SPECC1: variants seen among roughly 807,000 people sequenced by gnomAD.
SPECC1 encodes the protein sperm antigen with calponin homology and coiled-coil domains 1.
Under a neutral mutation model 104.1 loss-of-function variants are expected in SPECC1, and 62 were observed. That is an observed-to-expected ratio of 0.60 (90% CI 0.49 to 0.74). The LOEUF is 0.74. Among genes scored for constraint, SPECC1 ranks in the 30% least tolerant of loss-of-function variants. The pLI is 0.00. For synonymous variants in SPECC1, 513 were observed against 501.6 expected (o/e 1.02, Z -0.30); for missense variants, 1,306 against 1,310.5 (o/e 1.00, Z 0.05).
intron 3 of SPECC1, among the ~76,000 whole-genome samples, chr17:20,187,155 CAG>C (rs1239715105): frequency 1.3e-5 from 2 of 152,014 alleles, no homozygotes; most frequent in Non-Finnish European, 2.9e-5. Flanking sequence ...TGTCAGCACT[CAG>C]AATGTTTAGG....
chr17:20,118,190 AAC>A (rs145779131), intron 3 of SPECC1, among the ~76,000 whole-genome samples: 3,121 of 152,320 alleles, frequency 0.02, 98 homozygotes, highest in African/African-American at 0.071. Flanking sequence ...CAAAAATTAA[AAC>A]AGTTTATCAT....
chr17:20,176,462 T>C (rs951889053), intron 3 of SPECC1, among the ~76,000 whole-genome samples: 19 of 152,196 alleles, frequency 1.2e-4, no homozygotes, highest in Non-Finnish European at 2.8e-4. Flanking sequence ...GTATTATTTA[T>C]GTAGTCAGGG....
At chr17:20,215,002 G>A (rs866035576) in intron 4 of SPECC1, among the ~76,000 whole-genome samples, 1 of 152,222 alleles carries the variant, frequency 6.6e-6, no homozygotes, top group African/African-American at 2.4e-5. Flanking sequence ...AGAAGGGAGC[G>A]TTATCTGCTG....
At chr17:20,221,285 G>A (rs754250159) in intron 4 of SPECC1, among the ~76,000 whole-genome samples, 65 of 152,106 alleles carry the variant, frequency 4.3e-4, no homozygotes, top group Non-Finnish European at 7.9e-4. Context: ...GAAACCATTG[G>A]GTCCTGGGCA....
intron 2 of SPECC1, 47 bp from the exon 3 acceptor site, chr17:20,110,380 C>A: frequency 6.4e-7 from 1 of 1,563,978 alleles, no homozygotes; most frequent in Non-Finnish European, 8.7e-7. Context: ...GCGCTCCTTC[C>A]TGAAAACCAC....
intron 3 of SPECC1, among the ~76,000 whole-genome samples, 172 bp from the exon 4 acceptor site, chr17:20,204,161 G>T (rs1456884475): frequency 6.6e-6 from 1 of 152,152 alleles, no homozygotes; most frequent in Non-Finnish European, 1.5e-5. Flanking sequence ...ATAGGGCTGT[G>T]GGGAGGAAGC....
intron 3 of SPECC1, among the ~76,000 whole-genome samples, chr17:20,163,763 A>G (rs950622849): frequency 6.6e-6 from 1 of 151,902 alleles, no homozygotes; most frequent in Non-Finnish European, 1.5e-5. Flanking sequence ...GTCTTGCTAT[A>G]TTGCCCTGGC....
chr17:20,301,415 T>C (rs2041577427), intron 13 of SPECC1, among the ~76,000 whole-genome samples: 1 of 152,028 alleles, frequency 6.6e-6, no homozygotes, highest in African/African-American at 2.4e-5. Context: ...GGGCATTTTT[T>C]TTTTTTTTTA....
At chr17:20,018,554 T>G (rs2044240977) in intron 1 of SPECC1, among the ~76,000 whole-genome samples, 1 of 152,210 alleles carries the variant, frequency 6.6e-6, no homozygotes, top group Non-Finnish European at 1.5e-5. Context: ...CCATGCCCAG[T>G]CCTTGGTCTT....
At position 20,205,506 on chromosome 17, in the gene SPECC1, A is replaced by G. The variant is rs754659222; in HGVS notation, c.1457A>G (p.Asn486Ser). The G allele has an allele frequency of 5.6e-6, 9 of 1,614,224 alleles. No homozygotes were observed. In the Admixed American group the frequency reaches 6.7e-5, roughly 12 times the overall value. Residue 486 changes from asparagine (N) to serine (S), a missense_variant, in exon 4 of 15, where the codon AAC becomes AGC. Coordinates refer to ENST00000395527, the MANE Select transcript of SPECC1 (RefSeq NM_001243439.2). ...QGRFEREKLL[N>S]IQQQLTCSLR... ...CGCTTTGAAAGAGAGAAGCTACTCA[A>G]CATTCAGCAGCAGTTGACCTGTAGC...
intron 3 of SPECC1, chr17:20,112,340 A>AT: frequency 4.0e-6 from 3 of 756,374 alleles, no homozygotes; most frequent in East Asian, 2.5e-5. Flanking sequence ...AAGAAGCAAG[A>AT]TTTTTTGTAT....
At chr17:20,193,039 C>T (rs1338024886) in intron 3 of SPECC1, among the ~76,000 whole-genome samples, 1 of 152,096 alleles carries the variant, frequency 6.6e-6, no homozygotes, top group Non-Finnish European at 1.5e-5. Context: ...CTGCTGGTTG[C>T]CCATTTTTAT....
chr17:20,160,571 TA>T (rs1206683544), intron 3 of SPECC1, among the ~76,000 whole-genome samples: 3 of 152,228 alleles, frequency 2.0e-5, no homozygotes, highest in Admixed American at 6.5e-5. Context: ...ACAAAAATTT[TA>T]ATCAGAAAAA....
Position 20,318,241 on chromosome 17 carries a change from C to T in SPECC1, c.*4176C>T, listed in dbSNP as rs958804146. The T allele has an allele frequency of 4.3e-6, 1 of 232,422 alleles. No individual in the cohort carries two copies. Among genetic ancestry groups the T allele is most frequent in the Non-Finnish European group, 8.5e-6 (1 of 117,570 alleles). 14.4% of individuals were successfully genotyped at this position (232,422 alleles called of 1,614,324 possible). A position where few individuals can be genotyped will look rare whatever the true frequency, so the allele number is the denominator to read the frequency against. Reference sequence around the variant, plus strand: ...TTTTTCAAGGTGAGAAGTCGCTGTTCTCTGCATTGAACATGGATTGAATTT... The same window carrying T: ...TTTTTCAAGGTGAGAAGTCGCTGTTTTCTGCATTGAACATGGATTGAATTT... On this transcript the variant is annotated 3_prime_UTR_variant, in exon 15 of 15. Coordinates refer to ENST00000395527, the MANE Select transcript of SPECC1 (RefSeq NM_001243439.2).
chr17:20,107,144 CAAAA>C (rs531912350), intron 2 of SPECC1, among the ~76,000 whole-genome samples: 116 of 68,164 alleles, frequency 1.7e-3, no homozygotes, highest in African/African-American at 8.3e-3. Context: ...ACTCGTGTCT[CAAAA>C]AAAAAAAAAA....
intron 3 of SPECC1, among the ~76,000 whole-genome samples, chr17:20,132,603 A>G (rs1208503297): frequency 2.6e-5 from 4 of 151,288 alleles, no homozygotes; most frequent in Admixed American, 1.3e-4. Flanking sequence ...TTCAAATTCA[A>G]ATTTCCCTAA....
At chr17:20,090,251 C>G (rs2047345168) in intron 1 of SPECC1, among the ~76,000 whole-genome samples, 1 of 152,218 alleles carries the variant, frequency 6.6e-6, no homozygotes, top group African/African-American at 2.4e-5. Context: ...TGTCCCATGC[C>G]TTCCCTGAGC....
In SPECC1 at chr17:20,222,334, G is replaced by GA. The variant is rs967824950; in HGVS notation, c.1864-5069dup. Among the ~76,000 whole-genome samples the GA allele has an allele frequency of 1.8e-3, 265 of 148,766 alleles. 2 individuals carry two copies. The highest frequency in any genetic ancestry group is 5.8e-3 in the African/African-American group (237 of 40,658). On this transcript the variant is annotated intron_variant, in intron 4 of 14. Coordinates refer to ENST00000395527, the MANE Select transcript of SPECC1 (RefSeq NM_001243439.2). ...GGGAGACAGAGCGAGATTGTGTCTC[G>GA]AAAAAAAAAAGTTTCAGGAATTATT...
At chr17:20,117,878 G>A (rs995142788) in intron 3 of SPECC1, among the ~76,000 whole-genome samples, 30 of 152,130 alleles carry the variant, frequency 2.0e-4, no homozygotes, top group African/African-American at 6.7e-4. Context: ...GCTGAGGCGG[G>A]CTGATTGCTT....
Sources: gnomAD v4.1 joint callset for allele counts (sites outside exome capture counted in the v4.1 genomes callset) on GRCh38, gnomAD v4.1.1 for gene constraint, MANE v1.5 for transcripts, NCBI Gene and HGNC (gene_info 2026-07-23, HGNC 2026-07-21) for gene names.